ATP8B1: variants seen among roughly 807,000 people sequenced by gnomAD.
The protein encoded by ATP8B1 is phospholipid-transporting ATPase IC.
In ATP8B1, 80 loss-of-function variants were observed where a neutral mutation model predicts 149.9. The observed-to-expected ratio is 0.53, with a 90% CI of 0.45 to 0.64. ATP8B1 has a LOEUF of 0.64. Among genes scored for constraint, ATP8B1 ranks in the 30% least tolerant of loss-of-function variants. The pLI is 0.00. For missense variants in ATP8B1, 1,247 were observed against 1,552.6 expected, an observed-to-expected ratio of 0.80 and a Z score of 3.31; for synonymous variants, 536 against 562.8, an observed-to-expected ratio of 0.95 and a Z score of 0.67.
intron 2 of ATP8B1, among the ~76,000 whole-genome samples, chr18:57,713,157 CTCTT>C (rs760611716): frequency 0.013 from 1,218 of 92,010 alleles, 41 homozygotes; most frequent in Middle Eastern, 0.039. Flanking sequence ...CTTGATCTTT[CTCTT>C]TCTTTCTTTC....
intron 22 of ATP8B1, among the ~76,000 whole-genome samples, chr18:57,655,826 T>TC (rs1909960545): frequency 6.6e-6 from 1 of 152,096 alleles, no homozygotes; most frequent in African/African-American, 2.4e-5. Context: ...ACAAATCGGC[T>TC]CCCCCAACTT....
rs550840955 is a variant in ATP8B1 at position 57,669,143 on chromosome 18, C to T, written c.2097+175G>A. On this transcript the variant is annotated intron_variant, in intron 18 of 27. Coordinates refer to ENST00000648908, the MANE Select transcript of ATP8B1 (RefSeq NM_001374385.1). ...TTTTGGTTTCTCATAATGGCAACTT[C>T]TGTTCTGCTCCTATTTTGGTGAATA... 3.9e-5 allele frequency: 24 copies of T among 609,206 alleles called. No individual in the cohort carries two copies. The East Asian group carries it at 6.7e-4, about 17-fold the overall frequency. The allele number at this position is 609,206 out of a possible 1,614,324, so 37.7% of individuals were successfully genotyped here. A position where few individuals can be genotyped will look rare whatever the true frequency, so the allele number is the denominator to read the frequency against.
chr18:57,783,905 C>T lies in ATP8B1; in HGVS notation c.-26+19093G>A, dbSNP rs577137603. On this transcript the variant is annotated intron_variant, in intron 1 of 27. Transcript: ENST00000648908. Reference sequence around the variant, plus strand: ...CACAGAAGCCGTCTCCTCTACCATACATCGAAGGGCGCATGGTGACAGAGC... The same window carrying T: ...CACAGAAGCCGTCTCCTCTACCATATATCGAAGGGCGCATGGTGACAGAGC... Among the ~76,000 whole-genome samples, 531 of 152,210 alleles carry T rather than the reference C, an allele frequency of 3.5e-3. 6 individuals are homozygous for T. The highest frequency in any genetic ancestry group is 5.2e-3 in the Non-Finnish European group (356 of 68,012).
chr18:57,670,103 CAGACCA>C (rs1398601430), intron 17 of ATP8B1, among the ~76,000 whole-genome samples: 1 of 152,084 alleles, frequency 6.6e-6, no homozygotes, highest in Non-Finnish European at 1.5e-5. Flanking sequence ...AGGAAAATAT[CAGACCA>C]AGGGAGCTGC....
chr18:57,724,385 A>G (rs2079682553), intron 2 of ATP8B1, among the ~76,000 whole-genome samples: 1 of 141,788 alleles, frequency 7.1e-6, no homozygotes, highest in Admixed American at 7.3e-5. Context: ...ATCTACAATG[A>G]ACTCAAACAA....
At chr18:57,649,027 A>G (rs1363081563) in intron 27 of ATP8B1, among the ~76,000 whole-genome samples, 1 of 152,008 alleles carries the variant, frequency 6.6e-6, no homozygotes, top group Non-Finnish European at 1.5e-5. Context: ...CCTCCTGAGT[A>G]ACTGGGGTTA....
Position 57,648,533 on chromosome 18 carries a change from G to A in ATP8B1, c.3711C>T (p.Ile1237=), listed in dbSNP as rs1599060649. The A allele has an allele frequency of 1.2e-6, 2 of 1,611,542 alleles. No individual in the cohort carries two copies. Among genetic ancestry groups the A allele is most frequent in the Non-Finnish European group, 1.7e-6 (2 of 1,180,002 alleles). The change falls in exon 28 of 28, where the codon ATC becomes ATT. Residue 1237 remains isoleucine, a synonymous_variant. Coordinates refer to ENST00000648908, the MANE Select transcript of ATP8B1 (RefSeq NM_001374385.1). ...TGTACTCCGCGGTGCCATCCGCCAC[G>A]ATGGCATCAAGCGGCGAGCGCTTCT... The part of the protein sequence containing the change: ...IRKKRSPLDA[I]VADGTAEYRR...
intron 2 of ATP8B1, among the ~76,000 whole-genome samples, chr18:57,726,494 T>C (rs2079710382): frequency 6.6e-6 from 1 of 152,236 alleles, no homozygotes; most frequent in South Asian, 2.1e-4. Flanking sequence ...AACCACTCTG[T>C]ATCTTCAGGG....
intron 1 of ATP8B1, among the ~76,000 whole-genome samples, chr18:57,739,478 C>T (rs2079889526): frequency 6.6e-6 from 1 of 152,144 alleles, no homozygotes. Context: ...CCTTTCCCAC[C>T]AGACCATAAA....
intron 2 of ATP8B1, among the ~76,000 whole-genome samples, chr18:57,716,151 A>G (rs1424132234): frequency 6.6e-6 from 1 of 152,160 alleles, no homozygotes; most frequent in African/African-American, 2.4e-5. Context: ...GTTATTAGAC[A>G]GTACTTACAA....
chr18:57,736,876 T>C (rs1279059359), intron 1 of ATP8B1, among the ~76,000 whole-genome samples: 1 of 152,202 alleles, frequency 6.6e-6, no homozygotes, highest in Non-Finnish European at 1.5e-5. Flanking sequence ...TATGTGTCTG[T>C]TTTTAGCCCA....
At chr18:57,769,829 C>T (rs2080249624) in intron 1 of ATP8B1, among the ~76,000 whole-genome samples, 1 of 152,184 alleles carries the variant, frequency 6.6e-6, no homozygotes. Context: ...CACCAGCTAG[C>T]ATTTATTGAG....
intron 2 of ATP8B1, among the ~76,000 whole-genome samples, chr18:57,719,503 G>GAAAT (rs1200265099): frequency 7.1e-4 from 108 of 152,294 alleles, no homozygotes; most frequent in African/African-American, 2.5e-3. Context: ...GGTGACGGAC[G>GAAAT]CACCTGGAAA....
At chr18:57,754,289 T>A (rs1421591455) in intron 1 of ATP8B1, among the ~76,000 whole-genome samples, 1 of 151,766 alleles carries the variant, frequency 6.6e-6, no homozygotes, top group Non-Finnish European at 1.5e-5. Flanking sequence ...AATACAAAAC[T>A]TAGCCAGGCA....
At chr18:57,742,883 C>T (rs921383868) in intron 1 of ATP8B1, among the ~76,000 whole-genome samples, 1 of 151,636 alleles carries the variant, frequency 6.6e-6, no homozygotes, top group Non-Finnish European at 1.5e-5. Context: ...AACTTCAATG[C>T]GGTCATTAGA....
At chr18:57,675,703 CTCTT>C (rs996649461) in intron 15 of ATP8B1, among the ~76,000 whole-genome samples, 12 of 152,094 alleles carry the variant, frequency 7.9e-5, no homozygotes, top group African/African-American at 2.7e-4. Flanking sequence ...CTGGCTTATT[CTCTT>C]TCTTTCTTGT....
chr18:57,693,224 T>C lies in ATP8B1; in HGVS notation c.1030-1227A>G, dbSNP rs150106236. ...ATGCATTCAAATTGAATTAAATACT[T>C]GAAAAAATTTTTCATTGGGAAATAG... is the stretch of plus-strand genomic sequence containing the variant. On this transcript the variant is annotated intron_variant, in intron 11 of 27. Transcript: ENST00000648908. Among the ~76,000 whole-genome samples, 307 of 152,344 alleles carry C rather than the reference T, an allele frequency of 2.0e-3. 10 individuals carry two copies. In the East Asian group the frequency reaches 0.045, roughly 22 times the overall value.
At chr18:57,728,832 G>C (rs111533306) in intron 2 of ATP8B1, among the ~76,000 whole-genome samples, 4 of 150,562 alleles carry the variant, frequency 2.7e-5, no homozygotes, top group African/African-American at 9.8e-5. Context: ...CGATTCTCCT[G>C]CCTCAGCCTC....
At chr18:57,761,064 CATAAAATAAAATAA>C (rs1237858889) in intron 1 of ATP8B1, among the ~76,000 whole-genome samples, 3 of 133,144 alleles carry the variant, frequency 2.3e-5, no homozygotes, top group Admixed American at 7.5e-5. Context: ...CATAAAATAA[CATAAAATAAAATAA>C]ATAAAATAAA....
Sources: gnomAD v4.1 joint callset for allele counts (sites outside exome capture counted in the v4.1 genomes callset) on GRCh38, gnomAD v4.1.1 for gene constraint, MANE v1.5 for transcripts, NCBI Gene and HGNC (gene_info 2026-07-23, HGNC 2026-07-21) for gene names.